The following RBM6 variants were observed in gnomAD, a reference collection of about 807,000 sequenced individuals.
RBM6 encodes RNA binding motif protein 6.
Under a neutral mutation model 140.4 loss-of-function variants are expected in RBM6, and 23 were observed. That is an observed-to-expected ratio of 0.16 (90% CI 0.12 to 0.23). The LOEUF (loss-of-function observed/expected upper bound fraction) is 0.23. Ranked by LOEUF, RBM6 falls within the 10% of genes least tolerant of loss-of-function variation. RBM6 has a pLI of 1.00. For missense variants in RBM6, 1,139 were observed against 1,386.7 expected, an observed-to-expected ratio of 0.82 and a Z score of 2.84; for synonymous variants, 439 against 475.6, an observed-to-expected ratio of 0.92 and a Z score of 1.00.
At chr3:49,971,159 G>A (rs1018687671) in intron 3 of RBM6, among the ~76,000 whole-genome samples, 5 of 151,708 alleles carry the variant, frequency 3.3e-5, no homozygotes, top group South Asian at 2.1e-4. Flanking sequence ...CCAGCTACTC[G>A]GGAGGCTGAG....
chr3:49,956,538 G>A (rs2083998276), intron 1 of RBM6, among the ~76,000 whole-genome samples: 2 of 151,874 alleles, frequency 1.3e-5, no homozygotes, highest in Admixed American at 1.3e-4. Flanking sequence ...CTCTATGTTG[G>A]TCAGGCTGGT....
chr3:49,999,307 C>T (rs2086220552), intron 5 of RBM6, 133 bp from the exon 6 acceptor site: 1 of 690,622 alleles, frequency 1.4e-6, no homozygotes, highest in Non-Finnish European at 2.6e-6. Flanking sequence ...GCAACTTTAC[C>T]TAGTGTAGGG....
intron 18 of RBM6, among the ~76,000 whole-genome samples, chr3:50,069,507 C>CA (rs60210595): frequency 0.51 from 54,410 of 107,202 alleles, 13,240 homozygotes; most frequent in East Asian, 0.85. Context: ...GACCTTGTCT[C>CA]AAAAAAAAAA....
chr3:49,972,142 A>T lies in RBM6; in HGVS notation c.1407A>T (p.Lys469Asn). 1 of 1,607,492 alleles carries T rather than the reference A, an allele frequency of 6.2e-7. No individual in the cohort carries two copies. The highest frequency in any genetic ancestry group is 8.5e-7 in the Non-Finnish European group (1 of 1,174,138). The change falls in exon 4 of 21, where the codon AAA becomes AAT. Residue 469 changes from lysine (K) to asparagine (N), a missense_variant. Lys to Asn is a moderately conservative substitution (Grantham distance 94). Coordinates refer to ENST00000266022, the MANE Select transcript of RBM6 (RefSeq NM_005777.3). The stretch of plus-strand genomic sequence containing the variant: ...GTGGGGTACCTGAAGATGCCACAAA[A>T]GAAGAGGTAAGGCATGTCTTCTCTC... ...RLSGVPEDAT[K>N]EEILNAFRTP...
chr3:50,060,830 G>A (rs2089909744), intron 11 of RBM6, 126 bp from the exon 12 acceptor site: 2 of 844,270 alleles, frequency 2.4e-6, no homozygotes, highest in East Asian at 5.5e-5. Context: ...CCTGCTTGCT[G>A]TCTAGGTTGG....
At chr3:50,044,948 G>A (rs1018743556) in intron 6 of RBM6, among the ~76,000 whole-genome samples, 1 of 152,168 alleles carries the variant, frequency 6.6e-6, no homozygotes, top group Non-Finnish European at 1.5e-5. Flanking sequence ...CCCTTCAACA[G>A]TGATGTTAAA....
At chr3:50,063,047 C>T (rs2090000536) in intron 15 of RBM6, among the ~76,000 whole-genome samples, 1 of 151,984 alleles carries the variant, frequency 6.6e-6, no homozygotes, top group African/African-American at 2.4e-5. Flanking sequence ...GCATGAGCCA[C>T]CATGACCAGC....
chr3:50,013,993 C>T (rs1165308021), intron 6 of RBM6, among the ~76,000 whole-genome samples: 1 of 152,146 alleles, frequency 6.6e-6, no homozygotes, highest in Non-Finnish European at 1.5e-5. Flanking sequence ...TCCTACAGTG[C>T]AAAGGGCAGC....
intron 19 of RBM6, among the ~76,000 whole-genome samples, chr3:50,074,769 G>A (rs1444322048): frequency 6.6e-6 from 1 of 152,190 alleles, no homozygotes; most frequent in Admixed American, 6.5e-5. Context: ...CAGAGGTACT[G>A]TTAAATATAC....
At chr3:50,072,404 C>T (rs1371539607) in intron 19 of RBM6, among the ~76,000 whole-genome samples, 5 of 135,132 alleles carry the variant, frequency 3.7e-5, no homozygotes, top group Non-Finnish European at 8.0e-5. Context: ...AGCGAGACTC[C>T]AAATCAAAAA....
intron 6 of RBM6, among the ~76,000 whole-genome samples, chr3:50,030,521 T>A (rs970819933): frequency 6.6e-6 from 1 of 152,210 alleles, no homozygotes; most frequent in African/African-American, 2.4e-5. Flanking sequence ...TTTTATAGTT[T>A]ATGAATTTTA....
Position 49,955,160 on chromosome 3 carries a change from C to CTTTTTTTTTTTTTTTTTT in RBM6, c.-66-7409_-66-7392dup, listed in dbSNP as rs869272546. ...GGCCGCATAGTATTTTTTTTTCTTT[C>CTTTTTTTTTTTTTTTTTT]TTTTTTTTTTTTTTTTTTTTTTTTG... is the stretch of plus-strand genomic sequence containing the variant. On this transcript the variant is annotated intron_variant, in intron 1 of 20. Transcript: ENST00000266022. 5.9e-4 allele frequency among the ~76,000 whole-genome samples: 43 copies of CTTTTTTTTTTTTTTTTTT among 72,714 alleles called. 6 individuals are homozygous for CTTTTTTTTTTTTTTTTTT. The highest frequency in any genetic ancestry group is 1.2e-3 in the Admixed American group (5 of 4,056). 47.7% of individuals were successfully genotyped at this position (72,714 alleles called of 152,430 possible).
intron 6 of RBM6, among the ~76,000 whole-genome samples, chr3:50,017,940 A>G (rs1045768586): frequency 6.6e-6 from 1 of 152,142 alleles, no homozygotes; most frequent in Non-Finnish European, 1.5e-5. Context: ...CAGTTCCTGT[A>G]TAGTTATCCC....
Position 50,066,503 on chromosome 3 carries a change from G to T in RBM6, c.2943+1G>T. On this transcript the variant is annotated splice_donor_variant, in intron 17 of 20. Coordinates refer to ENST00000266022, the MANE Select transcript of RBM6 (RefSeq NM_005777.3). LOFTEE classifies it high-confidence loss of function. Reference sequence around the variant, plus strand: ...CCAGCAGCTGTCAGACCTGCACAAGGTATTAGGGGAAGGAGCTATGCCCTT... The same window carrying T: ...CCAGCAGCTGTCAGACCTGCACAAGTTATTAGGGGAAGGAGCTATGCCCTT... 1 of 1,612,526 alleles carries T rather than the reference G, an allele frequency of 6.2e-7. No individual in the cohort carries two copies.
At chr3:50,073,120 A>C (rs749090049) in intron 19 of RBM6, among the ~76,000 whole-genome samples, 5 of 152,184 alleles carry the variant, frequency 3.3e-5, no homozygotes, top group Non-Finnish European at 7.3e-5. Flanking sequence ...GCATCATAGC[A>C]TCACTGTCTA....
intron 5 of RBM6, among the ~76,000 whole-genome samples, chr3:49,980,971 C>T (rs974608447): frequency 3.3e-5 from 5 of 151,688 alleles, no homozygotes; most frequent in East Asian, 3.9e-4. Context: ...GGCGCGATAT[C>T]GGCTCACTGC....
At chr3:49,958,378 A>G (rs1379645656) in intron 1 of RBM6, among the ~76,000 whole-genome samples, 1 of 151,806 alleles carries the variant, frequency 6.6e-6, no homozygotes, top group Non-Finnish European at 1.5e-5. Context: ...ACATGGTGAA[A>G]CCCCGTCTCC....
At chr3:50,002,266 T>C (rs1398780481) in intron 6 of RBM6, among the ~76,000 whole-genome samples, 1 of 121,456 alleles carries the variant, frequency 8.2e-6, no homozygotes, top group African/African-American at 3.4e-5. Context: ...TTTTTTTTCT[T>C]TTTTTTTTTT....
chr3:50,066,362 A>C lies in RBM6; in HGVS notation c.2803A>C (p.Lys935Gln). 6.2e-7 allele frequency: 1 copy of C among 1,614,110 alleles called. No individual in the cohort carries two copies. The highest frequency in any genetic ancestry group is 8.5e-7 in the Non-Finnish European group (1 of 1,180,022). The change falls in exon 17 of 21, where the codon AAG becomes CAG. Residue 935 changes from lysine (K) to glutamine (Q), a missense_variant. Transcript: ENST00000266022. ...PPQPRTAQPQ[K>Q]REEQTKKENE... ...ACAGCCCCGCACAGCACAGCCCCAGAAGCGAGAGGAGCAAACCAAGAAGGA... is the reference window on the plus strand; with the variant it reads ...ACAGCCCCGCACAGCACAGCCCCAGCAGCGAGAGGAGCAAACCAAGAAGGA...
Sources: allele counts gnomAD v4.1 joint callset (sites outside exome capture counted in the v4.1 genomes callset), GRCh38; gene constraint gnomAD v4.1.1; transcripts MANE v1.5; gene names NCBI Gene and HGNC (gene_info 2026-07-23, HGNC 2026-07-21).